Variants in KCNIP4 observed in about 807,000 individuals in gnomAD.
The protein encoded by KCNIP4 is potassium voltage-gated channel interacting protein 4.
KCNIP4 carries 12 observed loss-of-function variants against 34.0 expected under a neutral mutation model. That is an observed-to-expected ratio of 0.35 (90% CI 0.23 to 0.57). The LOEUF is 0.57. KCNIP4 is among the 20% of genes least tolerant of loss of function. KCNIP4 has a pLI of 0.83. For missense variants in KCNIP4, 238 were observed against 311.7 expected (o/e 0.76, Z 1.78); for synonymous variants, 124 against 102.2 (o/e 1.21, Z -1.29).
chr4:21,719,997 A>G (rs1577899369), intron 1 of KCNIP4, among the ~76,000 whole-genome samples: 1 of 83,980 alleles, frequency 1.2e-5, no homozygotes, highest in African/African-American at 7.4e-5. Flanking sequence ...AGGAAGAAGA[A>G]AAGAAAAAGA....
intron 2 of KCNIP4, among the ~76,000 whole-genome samples, chr4:20,866,171 C>A (rs1034109596): frequency 1.3e-5 from 2 of 151,914 alleles, no homozygotes; most frequent in Admixed American, 1.3e-4. Flanking sequence ...GCCAGCATCA[C>A]CCTGATACCA....
rs11399453 is a variant in KCNIP4 at position 21,040,954 on chromosome 4, T to TAA, written c.62-158247_62-158246dup. ...ATTTTTTTGACTTAATGAAACAGAG[T>TAA]AAAAAAAAAAAAACATAAAAATTAC... is the stretch of plus-strand genomic sequence containing the variant. On this transcript the variant is annotated intron_variant, in intron 1 of 8. Coordinates refer to ENST00000382152, the MANE Select transcript of KCNIP4 (RefSeq NM_025221.6). Among the ~76,000 whole-genome samples, 1,015 of 142,922 alleles carry TAA rather than the reference T, an allele frequency of 7.1e-3. 10 individuals are homozygous for TAA. The highest frequency in any genetic ancestry group is 0.016 in the African/African-American group (621 of 39,212). The allele number at this position is 142,922 out of a possible 152,430, so 93.8% of individuals were successfully genotyped here. A position where few individuals can be genotyped will look rare whatever the true frequency, so the allele number is the denominator to read the frequency against.
intron 1 of KCNIP4, among the ~76,000 whole-genome samples, chr4:21,569,218 T>A (rs1318577001): frequency 1.1e-5 from 1 of 93,710 alleles, no homozygotes. Flanking sequence ...TCCCATGCAC[T>A]AGGACACTGA....
chr4:21,595,746 C>A lies in KCNIP4; in HGVS notation c.61+352825G>T, dbSNP rs182548909. ...GCAATAAACATATGAAAAAAAAGCT[C>A]ATCATCACTGGTCATTAGAGAATTG... On this transcript the variant is annotated intron_variant, in intron 1 of 8. Coordinates refer to ENST00000382152, the MANE Select transcript of KCNIP4 (RefSeq NM_025221.6). 2.3e-3 allele frequency among the ~76,000 whole-genome samples: 356 copies of A among 152,180 alleles called. 2 individuals are homozygous for A. Among genetic ancestry groups the A allele is most frequent in the African/African-American group, 8.2e-3 (340 of 41,552 alleles).
At chr4:21,195,861 T>C (rs73109414) in intron 1 of KCNIP4, among the ~76,000 whole-genome samples, 4,391 of 152,198 alleles carry the variant, frequency 0.029, 207 homozygotes, top group African/African-American at 0.1. Context: ...CTGAGGCTAC[T>C]CATGAGGGTT....
chr4:21,644,527 G>A (rs139890021), intron 1 of KCNIP4, among the ~76,000 whole-genome samples: 101 of 152,264 alleles, frequency 6.6e-4, no homozygotes, highest in Middle Eastern at 3.4e-3. Flanking sequence ...TGAAAGTGCA[G>A]CAGGTAAAAG....
chr4:21,825,520 G>A (rs1722626356), intron 1 of KCNIP4, among the ~76,000 whole-genome samples: 1 of 152,092 alleles, frequency 6.6e-6, no homozygotes, highest in African/African-American at 2.4e-5. Flanking sequence ...TATATATAAA[G>A]ATTTTATTAC....
In KCNIP4 at chr4:20,729,970, TAATATGCTTC is replaced by T; in HGVS notation, c.*102_*111del. The T allele has an allele frequency of 1.6e-6, 2 of 1,254,316 alleles. No individual in the cohort carries two copies. Among genetic ancestry groups the T allele is most frequent in the East Asian group, 5.3e-5 (2 of 37,930 alleles). The allele number at this position is 1,254,316 out of a possible 1,614,324, so 77.7% of individuals were successfully genotyped here. A position where few individuals can be genotyped will look rare whatever the true frequency, so the allele number is the denominator to read the frequency against. ...TATATTAAAACAAAGCTTGTTTGCA[TAATATGCTTC>T]AGTGTCAAGCTGAGCAATCTATGCT... On this transcript the variant is annotated 3_prime_UTR_variant, in exon 9 of 9. Coordinates refer to ENST00000382152, the MANE Select transcript of KCNIP4 (RefSeq NM_025221.6).
At chr4:21,897,194 C>A (rs1727441669) in intron 1 of KCNIP4, among the ~76,000 whole-genome samples, 1 of 151,942 alleles carries the variant, frequency 6.6e-6, no homozygotes, top group South Asian at 2.1e-4. Context: ...TATTTATAAT[C>A]CTCAAGAAAC....
intron 1 of KCNIP4, among the ~76,000 whole-genome samples, chr4:21,242,267 A>G (rs1214944286): frequency 6.6e-6 from 1 of 152,018 alleles, no homozygotes; most frequent in Non-Finnish European, 1.5e-5. Flanking sequence ...AGCATATACT[A>G]TACATCGATA....
intron 5 of KCNIP4, among the ~76,000 whole-genome samples, chr4:20,748,599 TATA>T (rs1560431250): frequency 1.9e-5 from 2 of 102,800 alleles, no homozygotes; most frequent in African/African-American, 6.6e-5. Context: ...TATATATATA[TATA>T]TATTCCATAA....
At chr4:21,799,869 C>T (rs1322688734) in intron 1 of KCNIP4, among the ~76,000 whole-genome samples, 1 of 152,198 alleles carries the variant, frequency 6.6e-6, no homozygotes, top group East Asian at 1.9e-4. Flanking sequence ...TAGAACAAAC[C>T]ACATCCACTC....
chr4:21,221,078 G>A (rs1421710157), intron 1 of KCNIP4, among the ~76,000 whole-genome samples: 1 of 152,042 alleles, frequency 6.6e-6, no homozygotes, highest in Non-Finnish European at 1.5e-5. Context: ...TCATTCCTCT[G>A]TGCTCTTAAC....
intron 1 of KCNIP4, among the ~76,000 whole-genome samples, chr4:21,311,630 A>G (rs978326254): frequency 3.4e-5 from 5 of 145,872 alleles, no homozygotes; most frequent in Non-Finnish European, 3.0e-5. Flanking sequence ...TGGAGGTTGC[A>G]GTGAGCCGAG....
chr4:21,474,597 T>C (rs1462570656), intron 1 of KCNIP4, among the ~76,000 whole-genome samples: 1 of 152,086 alleles, frequency 6.6e-6, no homozygotes, highest in Non-Finnish European at 1.5e-5. Context: ...TCTATAGTGA[T>C]CATACCTTTC....
intron 1 of KCNIP4, among the ~76,000 whole-genome samples, chr4:21,702,522 A>G (rs1983083): frequency 2.0e-5 from 3 of 152,096 alleles, no homozygotes; most frequent in African/African-American, 7.2e-5. Context: ...TCCTTAAAAA[A>G]TACAAACTAA....
chr4:21,458,916 A>G (rs1482502403), intron 1 of KCNIP4, among the ~76,000 whole-genome samples: 1 of 151,910 alleles, frequency 6.6e-6, no homozygotes, highest in African/African-American at 2.4e-5. Flanking sequence ...GACTAACTGA[A>G]CCCTTTTCTG....
intron 1 of KCNIP4, among the ~76,000 whole-genome samples, chr4:21,399,380 C>G (rs1265618173): frequency 6.6e-6 from 1 of 152,210 alleles, no homozygotes; most frequent in Non-Finnish European, 1.5e-5. Flanking sequence ...CTGCAACCAC[C>G]TAGCACCACG....
At chr4:21,129,416 CAGA>C (rs902596616) in intron 1 of KCNIP4, among the ~76,000 whole-genome samples, 1 of 152,172 alleles carries the variant, frequency 6.6e-6, no homozygotes, top group Non-Finnish European at 1.5e-5. Flanking sequence ...AACTTTGGTT[CAGA>C]AGGATTGGAT....
Sources: gnomAD v4.1 joint callset for allele counts (sites outside exome capture counted in the v4.1 genomes callset) on GRCh38, gnomAD v4.1.1 for gene constraint, MANE v1.5 for transcripts, NCBI Gene and HGNC (gene_info 2026-07-23, HGNC 2026-07-21) for gene names.